DMRT3: variants seen among roughly 807,000 people sequenced by gnomAD.
The protein encoded by DMRT3 is doublesex and mab-3 related transcription factor 3.
In DMRT3, 29 loss-of-function variants were observed where a neutral mutation model predicts 34.9. That is an observed-to-expected ratio of 0.83 (90% CI 0.62 to 1.13). The LOEUF (loss-of-function observed/expected upper bound fraction) is 1.13, where lower values mean the gene tolerates loss of function less well. Among genes scored for constraint, DMRT3 ranks in the 50% most tolerant of loss-of-function variants. DMRT3 has a pLI of 0.00. For synonymous variants in DMRT3, 350 were observed against 286.0 expected (o/e 1.22, Z -2.26); for missense variants, 772 against 629.1 (o/e 1.23, Z -2.43).
At chr9:981,864 A>G (rs534490966) in intron 1 of DMRT3, among the ~76,000 whole-genome samples, 2 of 152,262 alleles carry the variant, frequency 1.3e-5, no homozygotes, top group East Asian at 3.9e-4. Flanking sequence ...GAAGCAGCTC[A>G]CTAGGCAGCT....
chr9:980,707 G>A (rs1199793184), intron 1 of DMRT3, among the ~76,000 whole-genome samples: 15 of 138,316 alleles, frequency 1.1e-4, no homozygotes, highest in Non-Finnish European at 2.2e-4. Flanking sequence ...AATACAGGAG[G>A]CATGAAGATC....
In DMRT3 at chr9:990,789, T is replaced by C. The variant is rs1301147783; in HGVS notation, c.1203T>C (p.Tyr401=). ...ACACCATGACGCTGCAGCAGCAGTA[T>C]CAGCTGAGGTCCCAGTATGTCAGTC... is the stretch of plus-strand genomic sequence containing the variant. ...LWNTMTLQQQ[Y]QLRSQYVSPF... Residue 401 remains tyrosine (Y), a synonymous_variant, in exon 2 of 2, where the codon TAT becomes TAC. Transcript: ENST00000190165. The C allele has an allele frequency of 1.9e-6, 3 of 1,614,018 alleles. No individual in the cohort carries two copies. The highest frequency in any genetic ancestry group is 2.5e-6 in the Non-Finnish European group (3 of 1,180,040).
intron 1 of DMRT3, among the ~76,000 whole-genome samples, chr9:982,024 T>G (rs1238164774): frequency 6.6e-6 from 1 of 152,232 alleles, no homozygotes; most frequent in African/African-American, 2.4e-5. Context: ...GCAAAAATCA[T>G]GCAAACAAAA....
rs1014075015 is a variant in DMRT3 at position 985,305 on chromosome 9, A to G, written c.455-4736A>G. On this transcript the variant is annotated intron_variant, in intron 1 of 1. Transcript: ENST00000190165. ...CTTTCTATACCCATCTACCGGGGTA[A>G]AAATATTATCAGTTGATATACACTC... Among the ~76,000 whole-genome samples the G allele has an allele frequency of 4.6e-5, 7 of 152,336 alleles. No individual in the cohort carries two copies. In the East Asian group the frequency reaches 1.2e-3, roughly 25 times the overall value.
chr9:979,570 C>G (rs1269209367), intron 1 of DMRT3, among the ~76,000 whole-genome samples: 1 of 152,102 alleles, frequency 6.6e-6, no homozygotes, highest in Non-Finnish European at 1.5e-5. Context: ...CTTTTGTTTT[C>G]TTCTTTCACT....
chr9:986,290 T>C (rs1820281463), intron 1 of DMRT3, among the ~76,000 whole-genome samples: 2 of 152,118 alleles, frequency 1.3e-5, no homozygotes, highest in Admixed American at 6.5e-5. Context: ...AATCCTGGTA[T>C]CAAGTATTCA....
chr9:990,206 T>C lies in DMRT3; in HGVS notation c.620T>C (p.Val207Ala). ...IVSVEEGGYA[V>A]QKNGGNPESR... is the part of the protein sequence containing the mutation. ...TCCGTGGAGGAAGGGGGATACGCTG[T>C]CCAGAAAAACGGAGGCAACCCCGAG... Residue 207 changes from valine (V) to alanine (A), a missense_variant, in exon 2 of 2, where the codon GTC becomes GCC. Physicochemically the swap from Val to Ala is moderately conservative, Grantham distance 64. Coordinates refer to ENST00000190165, the MANE Select transcript of DMRT3 (RefSeq NM_021240.4). 1 of 1,613,936 alleles carries C rather than the reference T, an allele frequency of 6.2e-7. No individual in the cohort carries two copies. The highest frequency in any genetic ancestry group is 8.5e-7 in the Non-Finnish European group (1 of 1,179,998).
chr9:978,403 T>C (rs900317753), intron 1 of DMRT3, among the ~76,000 whole-genome samples: 9 of 152,162 alleles, frequency 5.9e-5, no homozygotes, highest in Middle Eastern at 3.2e-3. Flanking sequence ...GTGTTTGGTG[T>C]TTCTCCTTAA....
In DMRT3 at chr9:990,070, A is replaced by C. The variant is rs1243290624; in HGVS notation, c.484A>C (p.Lys162Gln). ...DLTEERLGDGKSADNTEVFSD... is the reference protein window; with the variant it reads ...DLTEERLGDGQSADNTEVFSD... The stretch of plus-strand genomic sequence containing the variant: ...GACTGAAGAACGACTTGGAGACGGC[A>C]AGTCGGCAGACAATACAGAGGTCTT... The change falls in exon 2 of 2, where the codon AAG (lysine) becomes CAG (glutamine). Residue 162 changes from lysine (K) to glutamine (Q), a missense_variant. Coordinates refer to ENST00000190165, the MANE Select transcript of DMRT3 (RefSeq NM_021240.4). 1 of 1,613,658 alleles carries C rather than the reference A, an allele frequency of 6.2e-7. No individual in the cohort carries two copies. The highest frequency in any genetic ancestry group is 1.3e-5 in the African/African-American group (1 of 74,906).
At position 990,837 on chromosome 9, in the gene DMRT3, C is replaced by T. The variant is rs752026084; in HGVS notation, c.1251C>T (p.Ser417=). 45 of 1,614,158 alleles carry T rather than the reference C, an allele frequency of 2.8e-5. No homozygotes were observed. The Admixed American group carries it at 6.8e-4, about 25-fold the overall frequency. ...GTCCTTTCCCCAGTAACTCTACCAGCGTCTTCAGAAGCTCGCCCGTCCTTC... is the reference window on the plus strand; with the variant it reads ...GTCCTTTCCCCAGTAACTCTACCAGTGTCTTCAGAAGCTCGCCCGTCCTTC... The part of the protein sequence containing the change: ...YVSPFPSNST[S]VFRSSPVLPA... The change falls in exon 2 of 2, where the codon AGC becomes AGT. Residue 417 remains serine (S), a synonymous_variant. Coordinates refer to ENST00000190165, the MANE Select transcript of DMRT3 (RefSeq NM_021240.4).
rs750182111 is a variant in DMRT3, at chr9:990,189, G to T, written c.603G>T (p.Glu201Asp). The change falls in exon 2 of 2, where the codon GAG becomes GAT. Residue 201 changes from glutamate (E) to aspartate (D), a missense_variant. Glu to Asp is a conservative substitution (Grantham distance 45). Transcript: ENST00000190165. ...AGAGCCCTGAGATAGTGTCCGTGGA[G>T]GAAGGGGGATACGCTGTCCAGAAAA... ...TPESPEIVSV[E>D]EGGYAVQKNG... is the part of the protein sequence containing the mutation. The T allele has an allele frequency of 2.5e-6, 4 of 1,613,982 alleles. No individual in the cohort carries two copies. In the African/African-American group the frequency reaches 5.3e-5, roughly 22 times the overall value.
chr9:977,257 C>G lies in DMRT3; in HGVS notation c.256C>G (p.Leu86Val), dbSNP rs375218701. 4 of 1,566,078 alleles carry G rather than the reference C, an allele frequency of 2.6e-6. No individual in the cohort carries two copies. The highest frequency in any genetic ancestry group is 2.4e-5 in the East Asian group (1 of 40,934). The change falls in exon 1 of 2, where the codon CTC becomes GTC. Residue 86 changes from leucine (L) to valine (V), a missense_variant. Transcript: ENST00000190165. The stretch of plus-strand genomic sequence containing the variant: ...GCAGGCCAACGAGAGCTTGGAGAGC[C>G]TCATCCCCGACTCGCTGCGCGCTCT... The part of the protein sequence containing the change: ...RQQANESLES[L>V]IPDSLRALPG...
chr9:983,415 C>T (rs1820245426), intron 1 of DMRT3, among the ~76,000 whole-genome samples: 1 of 152,110 alleles, frequency 6.6e-6, no homozygotes, highest in African/African-American at 2.4e-5. Flanking sequence ...CATGGTCTGC[C>T]CAGCTGCTAT....
At chr9:977,817 A>G (rs1410724506) in intron 1 of DMRT3, among the ~76,000 whole-genome samples, 1 of 152,170 alleles carries the variant, frequency 6.6e-6, no homozygotes, top group African/African-American at 2.4e-5. Flanking sequence ...CACACTCACT[A>G]CGGTGGGGTC....
rs769336614 is a variant in DMRT3, at chr9:977,043, G to A, written c.42G>A (p.Pro14=). 19 of 1,565,764 alleles carry A rather than the reference G, an allele frequency of 1.2e-5. No homozygotes were observed. The highest frequency in any genetic ancestry group is 1.9e-5 in the Admixed American group (1 of 53,048). The change falls in exon 1 of 2, where the codon CCG becomes CCA. Residue 14 remains proline, a synonymous_variant. Transcript: ENST00000190165. ...CCCCCTACCTGTACATGGGCGGCCCGGTGTCGCAGCCGCCACGGGCGCCCC... is the reference window on the plus strand; with the variant it reads ...CCCCCTACCTGTACATGGGCGGCCCAGTGTCGCAGCCGCCACGGGCGCCCC... ...YGSPYLYMGG[P]VSQPPRAPLQ...
intron 1 of DMRT3, among the ~76,000 whole-genome samples, chr9:985,836 C>T (rs187017327): frequency 3.3e-5 from 5 of 152,286 alleles, no homozygotes; most frequent in East Asian, 3.9e-4. Flanking sequence ...ACCTTGTGTG[C>T]GGCTCAGGTG....
In DMRT3 at chr9:977,460, G is replaced by T. The variant is rs1489010221; in HGVS notation, c.454+5G>T. 2 of 1,281,838 alleles carry T rather than the reference G, an allele frequency of 1.6e-6. No individual in the cohort carries two copies. Among genetic ancestry groups the T allele is most frequent in the South Asian group, 3.3e-5 (1 of 29,952 alleles). 79.4% of individuals were successfully genotyped at this position (1,281,838 alleles called of 1,614,324 possible). ...AGGCGCAGCTCGCCAAGCCAGGTAA[G>T]AGCGTCTGAGGTGCGGGAGTTTGGC... On this transcript the variant is annotated splice_donor_5th_base_variant and intron_variant, in intron 1 of 1. Transcript: ENST00000190165.
In DMRT3 at chr9:981,376, A is replaced by G. The variant is rs568890544; in HGVS notation, c.454+3921A>G. ...CCCTCTGACTGTTGGCTAGGAAGAA[A>G]AGAAAAGCGGGAAATACTTAAAAAC... On this transcript the variant is annotated intron_variant, in intron 1 of 1. Transcript: ENST00000190165. Among the ~76,000 whole-genome samples, 413 of 152,268 alleles carry G rather than the reference A, an allele frequency of 2.7e-3. 5 individuals are homozygous for G. Among genetic ancestry groups the G allele is most frequent in the African/African-American group, 9.6e-3 (400 of 41,532 alleles).
chr9:988,415 G>C (rs914800887), intron 1 of DMRT3, among the ~76,000 whole-genome samples: 2 of 152,132 alleles, frequency 1.3e-5, no homozygotes, highest in African/African-American at 2.4e-5. Flanking sequence ...CAAAGTTTTG[G>C]TTTTTGGTTA....
Sources: allele counts gnomAD v4.1 joint callset (sites outside exome capture counted in the v4.1 genomes callset), GRCh38; gene constraint gnomAD v4.1.1; transcripts MANE v1.5; gene names NCBI Gene and HGNC (gene_info 2026-07-23, HGNC 2026-07-21).